TIPIN: variants seen among roughly 807,000 people sequenced by gnomAD.
TIPIN encodes TIMELESS interacting protein.
Under a neutral mutation model 35.6 loss-of-function variants are expected in TIPIN, and 29 were observed. The observed-to-expected ratio is 0.82, with a 90% CI of 0.61 to 1.11. The LOEUF is 1.11. Ranked by LOEUF, TIPIN falls within the 50% of genes most tolerant of loss-of-function variation. TIPIN has a pLI of 0.00. For synonymous variants in TIPIN, 102 were observed against 121.5 expected (o/e 0.84, Z 1.06); for missense variants, 296 against 345.4 (o/e 0.86, Z 1.13).
At chr15:66,366,766 CAAAA>C (rs36031201) in intron 1 of TIPIN, 264 of 685,948 alleles carry the variant, frequency 3.8e-4, no homozygotes, top group Admixed American at 1.3e-3. Context: ...GACTCCATCT[CAAAA>C]AAAAAAAAAA....
chr15:66,337,598 A>G (rs572992773), intron 7 of TIPIN, among the ~76,000 whole-genome samples: 1 of 152,148 alleles, frequency 6.6e-6, no homozygotes, highest in East Asian at 1.9e-4. Flanking sequence ...CTGGGATTAC[A>G]GGCGTGAGCT....
At chr15:66,347,837 G>C (rs2093137380) in intron 6 of TIPIN, among the ~76,000 whole-genome samples, 1 of 152,036 alleles carries the variant, frequency 6.6e-6, no homozygotes, top group Non-Finnish European at 1.5e-5. Flanking sequence ...GCCCACCTCA[G>C]CCTCCCAAAG....
At chr15:66,343,817 G>T (rs2093104519) in intron 6 of TIPIN, among the ~76,000 whole-genome samples, 1 of 152,096 alleles carries the variant, frequency 6.6e-6, no homozygotes, top group Non-Finnish European at 1.5e-5. Context: ...GGACCAACAT[G>T]GTGAAACCCC....
At chr15:66,374,832 T>C (rs1281490655) in intron 1 of TIPIN, among the ~76,000 whole-genome samples, 1 of 152,156 alleles carries the variant, frequency 6.6e-6, no homozygotes, top group African/African-American at 2.4e-5. Context: ...TCCGCCTGCC[T>C]TGTCCTCCCA....
At chr15:66,366,597 CAAA>C (rs757848258) in intron 1 of TIPIN, among the ~76,000 whole-genome samples, 12 of 92,240 alleles carry the variant, frequency 1.3e-4, no homozygotes, top group Non-Finnish European at 1.6e-4. Flanking sequence ...ACTAAATATA[CAAA>C]AAAAAAAAAA....
intron 1 of TIPIN, among the ~76,000 whole-genome samples, chr15:66,377,363 TTTTC>T (rs969288292): frequency 6.6e-5 from 10 of 152,124 alleles, no homozygotes; most frequent in African/African-American, 2.4e-4. Context: ...TAATTGCTCT[TTTTC>T]TTTTATTTTT....
In TIPIN at chr15:66,337,219, C is replaced by T. The variant is rs373661697; in HGVS notation, c.683-38G>A. The T allele has an allele frequency of 5.8e-6, 9 of 1,563,560 alleles. No homozygotes were observed. The Admixed American group carries it at 1.0e-4, about 18-fold the overall frequency. On this transcript the variant is annotated intron_variant, in intron 7 of 7. Coordinates refer to ENST00000261881, the MANE Select transcript of TIPIN (RefSeq NM_017858.3). ...ATACCATTATTATTCATTATAAGTA[C>T]CTGATCCAATCTTACCGCATGAGTA...
At chr15:66,343,573 G>A (rs370311650) in intron 6 of TIPIN, among the ~76,000 whole-genome samples, 9 of 152,142 alleles carry the variant, frequency 5.9e-5, no homozygotes, top group South Asian at 2.1e-4. Context: ...AGTGAAAAAC[G>A]AAAAGCCACT....
chr15:66,368,484 G>T (rs1467365638), intron 1 of TIPIN, among the ~76,000 whole-genome samples: 1 of 152,000 alleles, frequency 6.6e-6, no homozygotes, highest in Non-Finnish European at 1.5e-5. Flanking sequence ...AGCCATGATC[G>T]TGCTACTGTT....
At position 66,384,793 on chromosome 15, in the gene TIPIN, T is replaced by A. The variant is rs1437716275; in HGVS notation, c.-9+1814A>T. 4.0e-5 allele frequency among the ~76,000 whole-genome samples: 6 copies of A among 151,720 alleles called. 1 individual carries two copies. In the South Asian group the frequency reaches 1.3e-3, roughly 32 times the overall value. On this transcript the variant is annotated intron_variant, in intron 1 of 7. Transcript: ENST00000562124. ...CAGGCATGGTGGTGCATGCCTGTAA[T>A]CCCAGCTACTTGGGAGGCTGAGGCA...
chr15:66,373,224 T>C (rs372891279), intron 1 of TIPIN, among the ~76,000 whole-genome samples: 1 of 152,068 alleles, frequency 6.6e-6, no homozygotes, highest in Non-Finnish European at 1.5e-5. Flanking sequence ...CCGGGCGCAG[T>C]GGCTCACGCC....
chr15:66,379,616 G>A lies in TIPIN; in HGVS notation c.-9+6991C>T, dbSNP rs183081193. On this transcript the variant is annotated intron_variant, in intron 1 of 7. Transcript: ENST00000562124. ...CATTCTCCGGGATAACGACGATGAT[G>A]GGGAAGTAAGCATACACAGACCTCA... 1,482 of 1,609,282 alleles carry A rather than the reference G, an allele frequency of 9.2e-4. 10 individuals are homozygous for A. Among genetic ancestry groups the A allele is most frequent in the South Asian group, 5.9e-3 (536 of 90,954 alleles).
At chr15:66,376,619 G>A (rs2093297898) in intron 1 of TIPIN, among the ~76,000 whole-genome samples, 1 of 151,250 alleles carries the variant, frequency 6.6e-6, no homozygotes, top group African/African-American at 2.4e-5. Context: ...TAGTAGAGAT[G>A]AGGTTTCATC....
At chr15:66,349,547 AT>A in intron 4 of TIPIN, 110 bp from the exon 5 acceptor site, 2 of 1,400,382 alleles carry the variant, frequency 1.4e-6, no homozygotes, top group African/African-American at 1.4e-5. Flanking sequence ...GTCATTTTAT[AT>A]TTATAAGGTT....
chr15:66,371,671 G>A lies in TIPIN; in HGVS notation c.-9+14936C>T, dbSNP rs545896444. Among the ~76,000 whole-genome samples the A allele has an allele frequency of 2.2e-4, 34 of 151,980 alleles. No homozygotes were observed. In the East Asian group the frequency reaches 6.6e-3, roughly 29 times the overall value. On this transcript the variant is annotated intron_variant, in intron 1 of 7. Coordinates refer to the TIPIN transcript ENST00000562124. ...TGGGACTACAGGCACCCGCCACCATGCCTGGCTAATTTTTTTTTGAATTTT... is the reference window on the plus strand; with the variant it reads ...TGGGACTACAGGCACCCGCCACCATACCTGGCTAATTTTTTTTTGAATTTT...
Position 66,349,377 on chromosome 15 carries a change from T to TG in TIPIN, c.348_349insC (p.Lys117GlnfsTer5). 6.2e-7 allele frequency: 1 copy of TG among 1,614,066 alleles called. No individual in the cohort carries two copies. Among genetic ancestry groups the TG allele is most frequent in the Non-Finnish European group, 8.5e-7 (1 of 1,179,984 alleles). ...TCAATAAAATCCTCAAACTGCAGTTTAGGGAATAGCCTATGTGCCCAGTGC... is the reference window on the plus strand; with the variant it reads ...TCAATAAAATCCTCAAACTGCAGTTTGAGGGAATAGCCTATGTGCCCAGTGC... On this transcript the variant is annotated frameshift_variant, in exon 5 of 8. Transcript: ENST00000261881. LOFTEE classifies it high-confidence loss of function.
chr15:66,349,199 T>G, intron 5 of TIPIN, 76 bp from the exon 6 acceptor site: 1 of 1,597,824 alleles, frequency 6.3e-7, no homozygotes, highest in Non-Finnish European at 8.6e-7. Flanking sequence ...CTATTACTTT[T>G]CCCTCTCTAC....
chr15:66,357,136 G>T (rs533379806), upstream of TIPIN, among the ~76,000 whole-genome samples: 4 of 152,154 alleles, frequency 2.6e-5, no homozygotes, highest in East Asian at 7.7e-4. Flanking sequence ...AGTTGCCCAG[G>T]CTGGTGTCGA....
chr15:66,337,787 A>T (rs143049887), intron 7 of TIPIN, among the ~76,000 whole-genome samples: 15,528 of 151,346 alleles, frequency 0.1, 891 homozygotes, highest in African/African-American at 0.14. Flanking sequence ...AAATAAAAAA[A>T]AAAATAATTA....
Sources: gnomAD v4.1 joint callset for allele counts (sites outside exome capture counted in the v4.1 genomes callset) on GRCh38, gnomAD v4.1.1 for gene constraint, MANE v1.5 for transcripts, NCBI Gene and HGNC (gene_info 2026-07-23, HGNC 2026-07-21) for gene names.